PLCB4: variants seen among roughly 807,000 people sequenced by gnomAD.
PLCB4 encodes 1-phosphatidylinositol 4,5-bisphosphate phosphodiesterase beta-4.
A neutral mutation model predicts 178.8 loss-of-function variants in PLCB4; 77 were observed. The observed-to-expected ratio is 0.43, with a 90% CI of 0.36 to 0.52. The LOEUF (loss-of-function observed/expected upper bound fraction) is 0.52, where lower values mean the gene tolerates loss of function less well. Ranked by LOEUF, PLCB4 falls within the 20% of genes least tolerant of loss-of-function variation. The pLI is 0.00. For synonymous variants in PLCB4, 496 were observed against 490.8 expected (o/e 1.01, Z -0.14); for missense variants, 1,024 against 1,453.4 (o/e 0.70, Z 4.80).
intron 30 of PLCB4, among the ~76,000 whole-genome samples, chr20:9,442,377 TG>T (rs1168180529): frequency 7.6e-4 from 96 of 127,142 alleles, no homozygotes; most frequent in African/African-American, 1.9e-3. Flanking sequence ...CTGTAGAGTG[TG>T]GTTTTTTTTT....
At chr20:9,365,147 GAC>G (rs1483954096) in intron 8 of PLCB4, among the ~76,000 whole-genome samples, 1 of 152,090 alleles carries the variant, frequency 6.6e-6, no homozygotes, top group Non-Finnish European at 1.5e-5. Context: ...TAAAATAGAG[GAC>G]ACTTAGTTAA....
intron 3 of PLCB4, among the ~76,000 whole-genome samples, chr20:9,219,341 C>T (rs964927048): frequency 1.3e-5 from 2 of 152,060 alleles, no homozygotes; most frequent in Non-Finnish European, 1.5e-5. Flanking sequence ...TGGTGGTGGG[C>T]GCCTGTAGTC....
In PLCB4 at chr20:9,387,548, CT is replaced by C. The variant is rs35771445; in HGVS notation, c.1155del (p.Phe385LeufsTer4). The C allele has an allele frequency of 2.0e-6, 3 of 1,495,454 alleles. No homozygotes were observed. Among genetic ancestry groups the C allele is most frequent in the Non-Finnish European group, 2.8e-6 (3 of 1,084,706 alleles). 92.6% of individuals were successfully genotyped at this position (1,495,454 alleles called of 1,614,324 possible). A position where few individuals can be genotyped will look rare whatever the true frequency, so the allele number is the denominator to read the frequency against. On this transcript the variant is annotated frameshift_variant, in exon 15 of 40. Transcript: ENST00000378473. LOFTEE classifies it high-confidence loss of function. ...THGKAMCTDI[L>X]FKDVIQAIKE... is the part of the protein sequence containing the mutation. Reference sequence around the variant, plus strand: ...TGGAAAAGCAATGTGTACAGATATCCTTTTTAAGGTAACTTTAAAAATAATT... The same window carrying C: ...TGGAAAAGCAATGTGTACAGATATCCTTTTAAGGTAACTTTAAAAATAATT...
intron 3 of PLCB4, among the ~76,000 whole-genome samples, chr20:9,271,333 T>C (rs1037488607): frequency 3.9e-5 from 6 of 152,168 alleles, no homozygotes; most frequent in Non-Finnish European, 4.4e-5. Flanking sequence ...CATATTACAT[T>C]CATTATCTCA....
chr20:9,112,183 C>G (rs1212777750), intron 2 of PLCB4, among the ~76,000 whole-genome samples: 1 of 151,804 alleles, frequency 6.6e-6, no homozygotes, highest in African/African-American at 2.4e-5. Flanking sequence ...GAAGAGAAGG[C>G]CTTTTACAGT....
At chr20:9,324,980 A>C (rs943983427) in intron 4 of PLCB4, among the ~76,000 whole-genome samples, 1 of 152,210 alleles carries the variant, frequency 6.6e-6, no homozygotes, top group Non-Finnish European at 1.5e-5. Context: ...AGCATTGTCT[A>C]TTATCTCCAT....
chr20:9,430,488 A>G (rs1449531014), intron 28 of PLCB4, among the ~76,000 whole-genome samples: 1 of 152,260 alleles, frequency 6.6e-6, no homozygotes, highest in Non-Finnish European at 1.5e-5. Flanking sequence ...CTCAAATAAG[A>G]CGTTTCAAAA....
chr20:9,157,508 T>C (rs1347165976), intron 2 of PLCB4, among the ~76,000 whole-genome samples: 1 of 152,100 alleles, frequency 6.6e-6, no homozygotes, highest in Non-Finnish European at 1.5e-5. Context: ...AACCTTTAAG[T>C]AGGGAGAGAA....
chr20:9,234,811 A>G (rs1484318672), intron 3 of PLCB4, among the ~76,000 whole-genome samples: 3 of 152,172 alleles, frequency 2.0e-5, no homozygotes, highest in African/African-American at 4.8e-5. Flanking sequence ...TGAGGTTACT[A>G]TATGATATAA....
chr20:9,314,940 C>T (rs1406013258), intron 4 of PLCB4, among the ~76,000 whole-genome samples: 2 of 151,402 alleles, frequency 1.3e-5, no homozygotes, highest in African/African-American at 2.4e-5. Context: ...GGCACAATCT[C>T]GGCTCACTGC....
At chr20:9,296,774 C>T (rs558556540) in intron 3 of PLCB4, among the ~76,000 whole-genome samples, 5 of 152,048 alleles carry the variant, frequency 3.3e-5, no homozygotes, top group East Asian at 1.9e-4. Flanking sequence ...AACCAAACAC[C>T]GCATGTTCTC....
intron 2 of PLCB4, among the ~76,000 whole-genome samples, chr20:9,198,220 T>C (rs149250745): frequency 1.4e-4 from 22 of 152,282 alleles, no homozygotes; most frequent in African/African-American, 4.3e-4. Context: ...CCAACTATTA[T>C]CTAGAAAGCA....
chr20:9,204,046 G>A lies in PLCB4; in HGVS notation c.-78-13344G>A, dbSNP rs151172664. 1.9e-4 allele frequency among the ~76,000 whole-genome samples: 29 copies of A among 151,564 alleles called. No individual in the cohort carries two copies. The South Asian group carries it at 4.6e-3, about 24-fold the overall frequency. ...GAGGAAAATTGAGTCCCACAGTTGCGTGGCTCTGAACAGGAAACCCATAAG... is the reference window on the plus strand; with the variant it reads ...GAGGAAAATTGAGTCCCACAGTTGCATGGCTCTGAACAGGAAACCCATAAG... On this transcript the variant is annotated intron_variant, in intron 2 of 39. Transcript: ENST00000378473.
intron 25 of PLCB4, among the ~76,000 whole-genome samples, chr20:9,416,771 C>T (rs1449794356): frequency 2.6e-5 from 4 of 152,086 alleles, no homozygotes; most frequent in African/African-American, 9.7e-5. Flanking sequence ...TCAAAATTAC[C>T]TTCAACATTT....
In PLCB4 at chr20:9,380,506, T is replaced by C. The variant is rs565228595; in HGVS notation, c.853+344T>C. Among the ~76,000 whole-genome samples, 3 of 152,352 alleles carry C rather than the reference T, an allele frequency of 2.0e-5. No homozygotes were observed. The South Asian group carries it at 6.2e-4, about 32-fold the overall frequency. On this transcript the variant is annotated intron_variant, in intron 13 of 39. Coordinates refer to ENST00000378473, the MANE Select transcript of PLCB4 (RefSeq NM_001377142.1). ...CAATCCTTGAAAATAATTTTTGTCA[T>C]ATAAAAACTTATACCTTTTCTTTTT...
chr20:9,162,125 T>A (rs2092898481), intron 2 of PLCB4, among the ~76,000 whole-genome samples: 1 of 152,164 alleles, frequency 6.6e-6, no homozygotes, highest in Non-Finnish European at 1.5e-5. Flanking sequence ...GCAGATGGAA[T>A]TGGCAGTGTT....
chr20:9,093,619 G>A (rs1253744943), intron 1 of PLCB4, among the ~76,000 whole-genome samples: 1 of 150,968 alleles, frequency 6.6e-6, no homozygotes, highest in Non-Finnish European at 1.5e-5. Context: ...GTTAGATCTC[G>A]GTGTGTTTTC....
chr20:9,354,942 A>G (rs891209977), intron 7 of PLCB4, among the ~76,000 whole-genome samples: 1 of 152,218 alleles, frequency 6.6e-6, no homozygotes, highest in Non-Finnish European at 1.5e-5. Flanking sequence ...GTCCTCAACT[A>G]TAGGTTCACG....
chr20:9,378,491 T>C (rs16995805), intron 12 of PLCB4, among the ~76,000 whole-genome samples: 15,850 of 152,086 alleles, frequency 0.1, 1,899 homozygotes, highest in African/African-American at 0.28. Flanking sequence ...CCTTGTTTCC[T>C]TGAGTAGTGG....
Sources: gnomAD v4.1 joint callset for allele counts (sites outside exome capture counted in the v4.1 genomes callset) on GRCh38, gnomAD v4.1.1 for gene constraint, MANE v1.5 for transcripts, NCBI Gene and HGNC (gene_info 2026-07-23, HGNC 2026-07-21) for gene names.